Variants in GALNTL6 observed in about 807,000 individuals in gnomAD.
GALNTL6 encodes the protein polypeptide N-acetylgalactosaminyltransferase like 6.
A neutral mutation model predicts 73.7 loss-of-function variants in GALNTL6; 46 were observed. That is an observed-to-expected ratio of 0.62 (90% CI 0.49 to 0.80). The LOEUF (loss-of-function observed/expected upper bound fraction) is 0.80, where lower values mean the gene tolerates loss of function less well. Ranked by LOEUF, GALNTL6 falls within the 30% of genes least tolerant of loss-of-function variation. The probability of loss-of-function intolerance (pLI) is 0.00; values close to 1 mark genes in which losing one functional copy is unlikely to be tolerated. For missense variants in GALNTL6, 604 were observed against 755.0 expected (o/e 0.80, Z 2.34); for synonymous variants, 259 against 263.7 (o/e 0.98, Z 0.17).
intron 2 of GALNTL6, among the ~76,000 whole-genome samples, chr4:172,194,994 C>A (rs1735712069): frequency 6.6e-6 from 1 of 152,044 alleles, no homozygotes; most frequent in Non-Finnish European, 1.5e-5. Context: ...TAAAAAGACA[C>A]AGAATGGCAA....
intron 2 of GALNTL6, among the ~76,000 whole-genome samples, chr4:171,894,944 C>G (rs1736867590): frequency 1.3e-5 from 2 of 151,940 alleles, no homozygotes; most frequent in African/African-American, 4.8e-5. Flanking sequence ...AATCACATGA[C>G]TAAATGACAT....
chr4:171,852,955 G>C (rs1157321182), intron 2 of GALNTL6, among the ~76,000 whole-genome samples: 1 of 150,336 alleles, frequency 6.7e-6, no homozygotes, highest in Non-Finnish European at 1.5e-5. Flanking sequence ...CACGCCGTTC[G>C]CCTGCCTCAG....
chr4:171,943,311 T>G (rs1478936721), intron 2 of GALNTL6, among the ~76,000 whole-genome samples: 1 of 152,184 alleles, frequency 6.6e-6, no homozygotes, highest in Non-Finnish European at 1.5e-5. Context: ...TCCCCTTCTC[T>G]CTCATCGGTA....
chr4:171,953,459 G>T (rs1738949918), intron 2 of GALNTL6, among the ~76,000 whole-genome samples: 1 of 152,046 alleles, frequency 6.6e-6, no homozygotes, highest in Non-Finnish European at 1.5e-5. Flanking sequence ...ATCAGAATTG[G>T]CATTGCAAAT....
At chr4:171,995,413 C>T (rs1407114740) in intron 2 of GALNTL6, among the ~76,000 whole-genome samples, 1 of 151,722 alleles carries the variant, frequency 6.6e-6, no homozygotes, top group Admixed American at 6.6e-5. Context: ...TTTATTTTAC[C>T]GAAACTGAAG....
intron 2 of GALNTL6, among the ~76,000 whole-genome samples, chr4:171,891,439 T>G (rs565434099): frequency 2.0e-5 from 3 of 152,180 alleles, no homozygotes; most frequent in Non-Finnish European, 2.9e-5. Flanking sequence ...TAAAATTATT[T>G]GTATGTTGTT....
chr4:172,480,939 C>T (rs190558488), intron 5 of GALNTL6, among the ~76,000 whole-genome samples: 100 of 152,248 alleles, frequency 6.6e-4, no homozygotes, highest in African/African-American at 1.8e-3. Flanking sequence ...CCTGGACTCT[C>T]GGAAGTGGCA....
intron 2 of GALNTL6, among the ~76,000 whole-genome samples, chr4:172,141,147 A>T (rs915346827): frequency 5.9e-5 from 9 of 152,056 alleles, no homozygotes; most frequent in African/African-American, 1.7e-4. Flanking sequence ...AGCTGAGACA[A>T]GGTATGGATG....
chr4:173,013,905 G>T (rs6832095), intron 11 of GALNTL6, among the ~76,000 whole-genome samples: 61,204 of 151,962 alleles, frequency 0.4, 13,018 homozygotes, highest in African/African-American at 0.53. Flanking sequence ...GAATTAGGAA[G>T]CACTCTTCTA....
At chr4:172,461,128 A>C (rs1579092804) in intron 5 of GALNTL6, among the ~76,000 whole-genome samples, 1 of 152,240 alleles carries the variant, frequency 6.6e-6, no homozygotes, top group East Asian at 1.9e-4. Context: ...CAGGAACCCA[A>C]ACACCACATG....
At chr4:172,537,867 A>G (rs1735403743) in intron 5 of GALNTL6, among the ~76,000 whole-genome samples, 1 of 152,224 alleles carries the variant, frequency 6.6e-6, no homozygotes, top group Non-Finnish European at 1.5e-5. Context: ...GGCATAAGCG[A>G]TAAAGTGCCA....
chr4:172,021,663 G>A (rs1280316556), intron 2 of GALNTL6, among the ~76,000 whole-genome samples: 1 of 151,978 alleles, frequency 6.6e-6, no homozygotes, highest in Non-Finnish European at 1.5e-5. Context: ...TACAAACCTG[G>A]AGGAATAACA....
intron 5 of GALNTL6, among the ~76,000 whole-genome samples, chr4:172,355,873 T>A (rs1170475047): frequency 6.6e-6 from 1 of 152,188 alleles, no homozygotes; most frequent in Non-Finnish European, 1.5e-5. Flanking sequence ...CATTAATGGT[T>A]GACTTTGACA....
chr4:172,487,367 C>CTTCTTTTCTTTTCTTTTCTT (rs200452023), intron 5 of GALNTL6, among the ~76,000 whole-genome samples: 50 of 87,020 alleles, frequency 5.7e-4, no homozygotes, highest in Non-Finnish European at 8.9e-4. Context: ...TCCTTCTTTC[C>CTTCTTTTCTTTTCTTTTCTT]TTCTTTTCTT....
chr4:172,717,488 A>G (rs185145029), intron 5 of GALNTL6, among the ~76,000 whole-genome samples: 1 of 152,360 alleles, frequency 6.6e-6, no homozygotes, highest in Admixed American at 6.5e-5. Flanking sequence ...TTAAGAATCA[A>G]TAAAGATGGC....
chr4:172,357,776 T>G (rs1473050702), intron 5 of GALNTL6, among the ~76,000 whole-genome samples: 1 of 152,028 alleles, frequency 6.6e-6, no homozygotes, highest in Non-Finnish European at 1.5e-5. Context: ...TGCTAGCAAC[T>G]GAGAGGCTAG....
intron 2 of GALNTL6, among the ~76,000 whole-genome samples, chr4:171,989,359 G>C (rs1194606007): frequency 2.0e-5 from 3 of 152,152 alleles, no homozygotes; most frequent in Non-Finnish European, 2.9e-5. Context: ...GCATTCCAGG[G>C]GCTCTGGGAG....
intron 7 of GALNTL6, among the ~76,000 whole-genome samples, chr4:172,859,533 A>G (rs1246551536): frequency 3.3e-5 from 5 of 152,164 alleles, no homozygotes; most frequent in African/African-American, 1.2e-4. Context: ...TTAAAGGGAA[A>G]TAATGCTGCC....
chr4:172,823,910 T>C (rs189266896), intron 7 of GALNTL6, among the ~76,000 whole-genome samples: 101 of 152,210 alleles, frequency 6.6e-4, no homozygotes, highest in Admixed American at 2.7e-3. Flanking sequence ...TTCTAACAAA[T>C]AACAAGATGC....
Sources: allele counts gnomAD v4.1 joint callset (sites outside exome capture counted in the v4.1 genomes callset), GRCh38; gene constraint gnomAD v4.1.1; transcripts MANE v1.5; gene names NCBI Gene and HGNC (gene_info 2026-07-23, HGNC 2026-07-21).